The following CRACD variants were observed in gnomAD, a reference collection of about 807,000 sequenced individuals.
CRACD encodes the protein capping protein inhibiting regulator of actin dynamics, also known as capping protein-inhibiting regulator of actin dynamics.
A neutral mutation model predicts 106.8 loss-of-function variants in CRACD; 56 were observed. The observed-to-expected ratio is 0.52, with a 90% CI of 0.42 to 0.66. The LOEUF (loss-of-function observed/expected upper bound fraction) is 0.66, where lower values mean the gene tolerates loss of function less well. Among genes scored for constraint, CRACD ranks in the 30% least tolerant of loss-of-function variants. The pLI is 0.00. For synonymous variants in CRACD, 754 were observed against 670.8 expected (o/e 1.12, Z -1.92); for missense variants, 1,730 against 1,623.2 (o/e 1.07, Z -1.13).
At chr4:56,269,104 C>T (rs1160889615) in intron 2 of CRACD, among the ~76,000 whole-genome samples, 3 of 152,064 alleles carry the variant, frequency 2.0e-5, no homozygotes, top group South Asian at 2.1e-4. Context: ...AAGAGGTGGC[C>T]GGGCATGGTG....
intron 2 of CRACD, among the ~76,000 whole-genome samples, chr4:56,201,513 A>G (rs1737878351): frequency 6.6e-6 from 1 of 152,140 alleles, no homozygotes; most frequent in African/African-American, 2.4e-5. Flanking sequence ...TGATGGGAGG[A>G]CTGAGCAGTG....
intron 3 of CRACD, among the ~76,000 whole-genome samples, chr4:56,275,784 C>T (rs753915453): frequency 2.6e-5 from 4 of 152,130 alleles, no homozygotes; most frequent in Non-Finnish European, 4.4e-5. Flanking sequence ...GCTCCATTAA[C>T]GTGATTTTGG....
chr4:56,156,584 T>A (rs1472000887), intron 1 of CRACD, among the ~76,000 whole-genome samples: 1 of 152,242 alleles, frequency 6.6e-6, no homozygotes, highest in African/African-American at 2.4e-5. Context: ...GATTAATCTT[T>A]ACAACATTTT....
chr4:56,052,596 A>G (rs115941764), intron 1 of CRACD, among the ~76,000 whole-genome samples: 3,568 of 152,342 alleles, frequency 0.023, 63 homozygotes, highest in Admixed American at 0.058. Context: ...TGGTCACGTT[A>G]CTGTGTGCTA....
chr4:56,256,213 G>C (rs1164897541), intron 2 of CRACD, among the ~76,000 whole-genome samples: 1 of 152,116 alleles, frequency 6.6e-6, no homozygotes, highest in Admixed American at 6.5e-5. Flanking sequence ...CATGGAGGTG[G>C]GTCTTTCCCA....
At chr4:56,116,293 A>AT (rs1217506216) in intron 1 of CRACD, among the ~76,000 whole-genome samples, 1 of 152,256 alleles carries the variant, frequency 6.6e-6, no homozygotes, top group Non-Finnish European at 1.5e-5. Context: ...AAATGGAAGA[A>AT]TTTTTTCTAG....
chr4:56,249,005 T>C (rs1363478503), intron 2 of CRACD, among the ~76,000 whole-genome samples: 2 of 88,458 alleles, frequency 2.3e-5, no homozygotes, highest in Non-Finnish European at 4.6e-5. Flanking sequence ...TCCAAGTCTT[T>C]GCTATTGTGA....
chr4:56,316,786 C>A, intron 8 of CRACD, 97 bp downstream of exon 8: 3 of 1,384,062 alleles, frequency 2.2e-6, no homozygotes, highest in Non-Finnish European at 2.9e-6. Context: ...AATAATTTAC[C>A]AACAATACAG....
chr4:56,277,879 G>A (rs643900), intron 3 of CRACD, among the ~76,000 whole-genome samples: 87,120 of 151,928 alleles, frequency 0.57, 25,742 homozygotes, highest in African/African-American at 0.72. Context: ...ATAATCTAAA[G>A]ATGACCCTAG....
intron 1 of CRACD, among the ~76,000 whole-genome samples, chr4:56,096,631 T>TA (rs34745267): frequency 2.9e-4 from 43 of 146,408 alleles, no homozygotes; most frequent in South Asian, 4.4e-4. Flanking sequence ...GACCTTGTCT[T>TA]AAAAAAAAAA....
intron 1 of CRACD, among the ~76,000 whole-genome samples, chr4:56,098,333 T>G (rs1733662437): frequency 6.6e-6 from 1 of 152,246 alleles, no homozygotes; most frequent in Non-Finnish European, 1.5e-5. Flanking sequence ...TTTTGTGTTT[T>G]CATATATGAA....
chr4:56,068,525 T>C (rs1471216059), intron 1 of CRACD, among the ~76,000 whole-genome samples: 3 of 152,150 alleles, frequency 2.0e-5, no homozygotes, highest in African/African-American at 7.2e-5. Flanking sequence ...CTGTCTAGCA[T>C]TGAAAATGGA....
chr4:56,318,072 T>C (rs1745801560), intron 8 of CRACD, among the ~76,000 whole-genome samples: 1 of 152,184 alleles, frequency 6.6e-6, no homozygotes, highest in Non-Finnish European at 1.5e-5. Flanking sequence ...GGGGCAGTTT[T>C]TGCAGAGGAA....
chr4:56,095,599 C>G (rs1396970713), intron 1 of CRACD, among the ~76,000 whole-genome samples: 2 of 152,096 alleles, frequency 1.3e-5, no homozygotes, highest in African/African-American at 2.4e-5. Flanking sequence ...CTACCTTGGT[C>G]AAGAAGCAGT....
In CRACD at chr4:56,329,365, C is replaced by T. The variant is rs959899895; in HGVS notation, c.*1561C>T. ...TTATTAAGTATCCATCATTACTTTC[C>T]TTTATGCTCGCTCAATATGCAATGT... is the stretch of plus-strand genomic sequence containing the variant. On this transcript the variant is annotated 3_prime_UTR_variant, in exon 11 of 11. Transcript: ENST00000682029. 6.6e-6 allele frequency among the ~76,000 whole-genome samples: 1 copy of T among 152,182 alleles called. No homozygotes were observed. The highest frequency in any genetic ancestry group is 2.4e-5 in the African/African-American group (1 of 41,448).
At chr4:56,310,798 C>CCTTT (rs1553919758) in intron 6 of CRACD, 64 bp downstream of exon 6, 4 of 804,696 alleles carry the variant, frequency 5.0e-6, no homozygotes, top group African/African-American at 1.9e-5. Flanking sequence ...TTCCCCCCCC[C>CCTTT]TTTTTTTTTT....
chr4:56,100,711 G>A (rs1355907046), intron 1 of CRACD, among the ~76,000 whole-genome samples: 4 of 146,528 alleles, frequency 2.7e-5, no homozygotes, highest in Non-Finnish European at 4.4e-5. Flanking sequence ...TACACAGAGA[G>A]GAGAAGATGG....
At chr4:56,255,817 C>T (rs988457823) in intron 2 of CRACD, among the ~76,000 whole-genome samples, 3 of 152,142 alleles carry the variant, frequency 2.0e-5, no homozygotes, top group Non-Finnish European at 2.9e-5. Flanking sequence ...TTGGAGGCAA[C>T]GTATTTCTCA....
At chr4:56,094,558 A>G (rs1310842139) in intron 1 of CRACD, among the ~76,000 whole-genome samples, 2 of 151,782 alleles carry the variant, frequency 1.3e-5, no homozygotes, top group Non-Finnish European at 2.9e-5. Flanking sequence ...GGTTCAGGCA[A>G]TTCTCTCACT....
Sources: allele counts gnomAD v4.1 joint callset (sites outside exome capture counted in the v4.1 genomes callset), GRCh38; gene constraint gnomAD v4.1.1; transcripts MANE v1.5; gene names NCBI Gene and HGNC (gene_info 2026-07-23, HGNC 2026-07-21).